COL4A5: variants seen among roughly 807,000 people sequenced by gnomAD.
COL4A5 encodes collagen alpha-5(IV) chain.
A neutral mutation model predicts 130.2 loss-of-function variants in COL4A5; 26 were observed. That is an observed-to-expected ratio of 0.20 (90% CI 0.15 to 0.28). COL4A5 has a LOEUF of 0.28. COL4A5 is among the 10% of genes least tolerant of loss of function. The probability of loss-of-function intolerance (pLI) is 1.00; values close to 1 mark genes in which losing one functional copy is unlikely to be tolerated. For synonymous variants in COL4A5, 496 were observed against 439.6 expected (o/e 1.13, Z -1.60); for missense variants, 1,131 against 1,344.3 (o/e 0.84, Z 2.48).
At position 108,602,989 on chromosome X, in the gene COL4A5, A is replaced by G. The variant is rs756927559; in HGVS notation, c.2172A>G (p.Pro724=). The G allele has an allele frequency of 4.2e-6, 5 of 1,190,967 alleles. No individual in the cohort carries two copies. In the South Asian group the frequency reaches 9.1e-5, roughly 22 times the overall value. The part of the protein sequence containing the change: ...PKGFPGIPGP[P]GAPGTPGRIG... The stretch of plus-strand genomic sequence containing the variant: ...GCTTTCCTGGAATTCCAGGACCTCC[A>G]GGAGCACCTGGGACACCTGGAAGAA... The change falls in exon 28 of 53, where the codon CCA becomes CCG. Residue 724 remains proline, a synonymous_variant. Coordinates refer to ENST00000328300, the MANE Select transcript of COL4A5 (RefSeq NM_033380.3).
rs1603259848 is a variant in COL4A5 at position 108,508,966 on chromosome X, C to T, written c.82-30780C>T. Among the ~76,000 whole-genome samples, 4 of 111,894 alleles carry T rather than the reference C, an allele frequency of 3.6e-5. 1 individual carries two copies. Among genetic ancestry groups the T allele is most frequent in the Admixed American group, 1.9e-4 (2 of 10,548 alleles). On this transcript the variant is annotated intron_variant, in intron 1 of 52. Coordinates refer to ENST00000328300, the MANE Select transcript of COL4A5 (RefSeq NM_033380.3). The stretch of plus-strand genomic sequence containing the variant: ...TCAAAACTGTAAAAACCCTAGAAGA[C>T]GATCTAGGCAATACCAATCTGGACA...
chrX:108,511,931 A>T (rs1173662417), intron 1 of COL4A5, among the ~76,000 whole-genome samples: 1 of 111,328 alleles, frequency 9.0e-6, no homozygotes, highest in East Asian at 2.8e-4. Flanking sequence ...ACTCATTGGT[A>T]TGGGGTTTCT....
At chrX:108,576,010 C>T in intron 10 of COL4A5, 38 bp downstream of exon 10, 3 of 852,054 alleles carry the variant, frequency 3.5e-6, no homozygotes, top group Middle Eastern at 2.8e-4. Context: ...CCCCCCTTTC[C>T]TTTCTGACTT....
intron 36 of COL4A5, among the ~76,000 whole-genome samples, chrX:108,646,356 T>C (rs1157656212): frequency 3.6e-5 from 4 of 112,291 alleles, no homozygotes; most frequent in African/African-American, 1.3e-4. Context: ...TTTCATGTGT[T>C]TTTTGGCTGC....
chrX:108,596,959 T>C, intron 22 of COL4A5, 39 bp from the exon 23 acceptor site: 1 of 1,101,233 alleles, frequency 9.1e-7, no homozygotes, highest in South Asian at 2.0e-5. Flanking sequence ...GCTTACGTTA[T>C]TGTGTGTGTG....
chrX:108,494,296 T>C (rs767813547), intron 1 of COL4A5, among the ~76,000 whole-genome samples: 1 of 111,372 alleles, frequency 9.0e-6, no homozygotes, highest in South Asian at 3.7e-4. Flanking sequence ...TGGATTTTCT[T>C]GTAGGTCAGC....
chrX:108,515,039 A>G (rs1460833376), intron 1 of COL4A5, among the ~76,000 whole-genome samples: 13 of 112,025 alleles, frequency 1.2e-4, no homozygotes, highest in Non-Finnish European at 1.9e-5. Flanking sequence ...AACATTATAT[A>G]TATTGAGGTT....
At chrX:108,648,087 T>C (rs752481757) in intron 36 of COL4A5, among the ~76,000 whole-genome samples, 57 of 111,217 alleles carry the variant, frequency 5.1e-4, no homozygotes, top group Middle Eastern at 4.6e-3. Flanking sequence ...AGGATGATGC[T>C]GGCCTCATAA....
intron 1 of COL4A5, among the ~76,000 whole-genome samples, chrX:108,525,733 C>T (rs899524639): frequency 9.0e-5 from 10 of 111,565 alleles, no homozygotes; most frequent in African/African-American, 3.3e-4. Flanking sequence ...TTATAGAGTT[C>T]TCTATTCTTA....
At chrX:108,686,165 A>C in intron 48 of COL4A5, 36 bp downstream of exon 48, 1 of 1,080,915 alleles carries the variant, frequency 9.3e-7, no homozygotes. Context: ...GTGGAGGGAA[A>C]GTCTTTGAGT....
chrX:108,563,963 G>A, intron 4 of COL4A5, 37 bp downstream of exon 4: 1 of 1,084,455 alleles, frequency 9.2e-7, no homozygotes, highest in Non-Finnish European at 1.3e-6. Flanking sequence ...TACTTTGTTG[G>A]TGGAAACAGA....
chrX:108,501,336 C>G (rs2065077876), intron 1 of COL4A5, among the ~76,000 whole-genome samples: 1 of 111,533 alleles, frequency 9.0e-6, no homozygotes, highest in Non-Finnish European at 1.9e-5. Flanking sequence ...TTTCTTTCAT[C>G]TGGAATGGAT....
At chrX:108,678,725 C>G (rs1337049045) in intron 44 of COL4A5, among the ~76,000 whole-genome samples, 2 of 110,851 alleles carry the variant, frequency 1.8e-5, no homozygotes, top group Admixed American at 9.7e-5. Flanking sequence ...TATATAACCA[C>G]AGTACACTTA....
At chrX:108,637,478 A>T (rs112215668) in intron 36 of COL4A5, among the ~76,000 whole-genome samples, 26 of 111,958 alleles carry the variant, frequency 2.3e-4, no homozygotes, top group East Asian at 1.1e-3. Flanking sequence ...GAACTAAAAA[A>T]ATCATAGATG....
In COL4A5 at chrX:108,534,250, TAAAG is replaced by T. The variant is rs769541410; in HGVS notation, c.82-5492_82-5489del. Among the ~76,000 whole-genome samples, 114 of 111,015 alleles carry T rather than the reference TAAAG, an allele frequency of 1.0e-3. 3 individuals are homozygous for T. In the East Asian group the frequency reaches 0.031, roughly 30 times the overall value. On this transcript the variant is annotated intron_variant, in intron 1 of 52. Coordinates refer to ENST00000328300, the MANE Select transcript of COL4A5 (RefSeq NM_033380.3). ...CCACTACTAGGTATCTATCCAAAGG[TAAAG>T]AAATCAATATATCAAAGAAATACCT...
chrX:108,502,804 C>G (rs1394621212), intron 1 of COL4A5, among the ~76,000 whole-genome samples: 1 of 111,518 alleles, frequency 9.0e-6, no homozygotes, highest in Admixed American at 9.5e-5. Flanking sequence ...TAATCCCAAC[C>G]CAGTTGCTCC....
intron 2 of COL4A5, among the ~76,000 whole-genome samples, chrX:108,543,826 C>T (rs193083404): frequency 3.0e-3 from 332 of 111,752 alleles, no homozygotes; most frequent in African/African-American, 0.01. Flanking sequence ...TCCTTCACAT[C>T]CCTTGTAAGT....
intron 29 of COL4A5, among the ~76,000 whole-genome samples, chrX:108,608,201 C>T (rs985993559): frequency 3.6e-5 from 4 of 111,639 alleles, no homozygotes; most frequent in African/African-American, 1.3e-4. Flanking sequence ...TCCCCACAGC[C>T]TTGATAAGTG....
At chrX:108,585,626 G>T (rs1009818783) in intron 18 of COL4A5, among the ~76,000 whole-genome samples, 3 of 111,094 alleles carry the variant, frequency 2.7e-5, no homozygotes, top group African/African-American at 9.8e-5. Flanking sequence ...CTGCTATTAG[G>T]TGTTGATTTG....
Sources: gnomAD v4.1 joint callset for allele counts (sites outside exome capture counted in the v4.1 genomes callset) on GRCh38, gnomAD v4.1.1 for gene constraint, MANE v1.5 for transcripts, NCBI Gene and HGNC (gene_info 2026-07-23, HGNC 2026-07-21) for gene names.